Variants in NKAIN3 observed in about 807,000 individuals in gnomAD.
NKAIN3 encodes the protein sodium/potassium-transporting ATPase subunit beta-1-interacting protein 3.
NKAIN3 carries 25 observed loss-of-function variants against 30.2 expected under a neutral mutation model. The ratio of observed to expected loss-of-function variants is 0.83; its 90% confidence interval spans 0.60 to 1.16. NKAIN3 has a LOEUF of 1.16. NKAIN3 is among the 50% of genes most tolerant of loss of function. The pLI is 0.00. For synonymous variants in NKAIN3, 91 were observed against 89.6 expected (o/e 1.02, Z -0.09); for missense variants, 225 against 254.1 (o/e 0.89, Z 0.78).
chr8:62,290,044 G>C (rs1294328739), intron 1 of NKAIN3, among the ~76,000 whole-genome samples: 1 of 152,054 alleles, frequency 6.6e-6, no homozygotes, highest in Non-Finnish European at 1.5e-5. Flanking sequence ...CTCTCTGTTT[G>C]TCTGTTATTG....
At chr8:62,356,743 A>G (rs1816369803) in intron 1 of NKAIN3, among the ~76,000 whole-genome samples, 1 of 152,132 alleles carries the variant, frequency 6.6e-6, no homozygotes, top group African/African-American at 2.4e-5. Flanking sequence ...AAAATCTTCC[A>G]GTGGTTGACA....
intron 4 of NKAIN3, among the ~76,000 whole-genome samples, chr8:62,911,248 A>G (rs1821918201): frequency 6.6e-6 from 1 of 152,154 alleles, no homozygotes; most frequent in South Asian, 2.1e-4. Context: ...TTACACTGGA[A>G]AAGTCCCATA....
chr8:62,540,107 A>G (rs1808791889), intron 1 of NKAIN3, among the ~76,000 whole-genome samples: 1 of 152,178 alleles, frequency 6.6e-6, no homozygotes, highest in Non-Finnish European at 1.5e-5. Flanking sequence ...TTCAACAATC[A>G]TATAAAAAAC....
At chr8:62,510,340 C>T (rs1368225458) in intron 1 of NKAIN3, among the ~76,000 whole-genome samples, 1 of 152,124 alleles carries the variant, frequency 6.6e-6, no homozygotes, top group Non-Finnish European at 1.5e-5. Context: ...TATTTTGTCC[C>T]AGACTGACCA....
chr8:62,573,921 A>G (rs1022616249), intron 1 of NKAIN3, among the ~76,000 whole-genome samples: 4 of 152,154 alleles, frequency 2.6e-5, no homozygotes, highest in African/African-American at 7.2e-5. Flanking sequence ...AAAATGTACA[A>G]TTAAATTATT....
chr8:62,886,154 T>C (rs1483014144), intron 4 of NKAIN3, among the ~76,000 whole-genome samples: 1 of 152,144 alleles, frequency 6.6e-6, no homozygotes, highest in Non-Finnish European at 1.5e-5. Flanking sequence ...AATTATACTT[T>C]CTTTAACTTT....
chr8:62,397,263 A>T (rs372641815), intron 1 of NKAIN3, among the ~76,000 whole-genome samples: 1 of 52,706 alleles, frequency 1.9e-5, no homozygotes, highest in African/African-American at 3.8e-5. Flanking sequence ...CTTTTTCCTT[A>T]AAAAAAAAAG....
intron 4 of NKAIN3, chr8:62,856,376 C>A (rs1820060238): frequency 1.2e-6 from 1 of 833,506 alleles, no homozygotes; most frequent in African/African-American, 1.7e-5. Flanking sequence ...AGTGAACCTT[C>A]TAGTTTGCTG....
At chr8:62,669,290 G>A (rs763515501) in intron 3 of NKAIN3, among the ~76,000 whole-genome samples, 9 of 152,204 alleles carry the variant, frequency 5.9e-5, no homozygotes, top group South Asian at 2.1e-4. Context: ...AAGGCTTTTC[G>A]TCCTCAATTC....
intron 1 of NKAIN3, among the ~76,000 whole-genome samples, chr8:62,481,743 G>T (rs1327598584): frequency 6.6e-6 from 1 of 152,188 alleles, no homozygotes. Context: ...AAGACAAGGG[G>T]TTCACTAATC....
At chr8:62,272,655 A>G (rs1463259531) in intron 1 of NKAIN3, among the ~76,000 whole-genome samples, 2 of 152,070 alleles carry the variant, frequency 1.3e-5, no homozygotes, top group Non-Finnish European at 2.9e-5. Flanking sequence ...TCATTTACCC[A>G]TGTTGCCCAT....
chr8:62,415,290 A>G (rs955015705), intron 1 of NKAIN3, among the ~76,000 whole-genome samples: 19 of 144,868 alleles, frequency 1.3e-4, no homozygotes, highest in African/African-American at 4.8e-4. Context: ...TATATACTAT[A>G]TATATTTATA....
At chr8:62,587,921 ATG>A (rs1372960224) in intron 2 of NKAIN3, among the ~76,000 whole-genome samples, 1 of 151,994 alleles carries the variant, frequency 6.6e-6, no homozygotes, top group African/African-American at 2.4e-5. Context: ...CTTTAAATAG[ATG>A]TGTTTTATTA....
rs183329966 is a variant in NKAIN3, at chr8:62,338,634, C to T, written c.54+89507C>T. ...GAGGGGAGTTTATTAAGTATTAACT[C>T]ACGTGATCACAAGATCCCACAATAG... On this transcript the variant is annotated intron_variant, in intron 1 of 6. Coordinates refer to ENST00000623646, the MANE Select transcript of NKAIN3 (RefSeq NM_001304533.3). 5.9e-5 allele frequency among the ~76,000 whole-genome samples: 9 copies of T among 151,894 alleles called. No homozygotes were observed. In the East Asian group the frequency reaches 1.4e-3, roughly 23 times the overall value.
intron 4 of NKAIN3, among the ~76,000 whole-genome samples, chr8:62,869,097 G>T (rs184679775): frequency 6.6e-6 from 1 of 152,322 alleles, no homozygotes; most frequent in Non-Finnish European, 1.5e-5. Context: ...CCTCGGCAAA[G>T]AATGCTGTGG....
chr8:62,257,558 A>C (rs1267285970), intron 1 of NKAIN3, among the ~76,000 whole-genome samples: 2 of 152,106 alleles, frequency 1.3e-5, no homozygotes, highest in Non-Finnish European at 2.9e-5. Context: ...CTCCTCTTCA[A>C]AAAAAATAAT....
At chr8:62,993,153 T>C (rs1249676060) in intron 5 of NKAIN3, among the ~76,000 whole-genome samples, 3 of 152,136 alleles carry the variant, frequency 2.0e-5, no homozygotes, top group Non-Finnish European at 2.9e-5. Context: ...ACATTACCTC[T>C]TTCTGCCCAC....
chr8:62,655,624 C>T (rs1429726930), intron 3 of NKAIN3, among the ~76,000 whole-genome samples: 1 of 152,096 alleles, frequency 6.6e-6, no homozygotes, highest in African/African-American at 2.4e-5. Flanking sequence ...ATTTAGACAA[C>T]TATGTTGGTG....
chr8:62,685,727 G>A (rs1378031547), intron 3 of NKAIN3, among the ~76,000 whole-genome samples: 2 of 152,190 alleles, frequency 1.3e-5, no homozygotes, highest in African/African-American at 4.8e-5. Flanking sequence ...ACCTGCAAAA[G>A]TGTACATATG....
Sources: gnomAD v4.1 joint callset for allele counts (sites outside exome capture counted in the v4.1 genomes callset) on GRCh38, gnomAD v4.1.1 for gene constraint, MANE v1.5 for transcripts, NCBI Gene and HGNC (gene_info 2026-07-23, HGNC 2026-07-21) for gene names.